Variants in ZNF148 observed in about 807,000 individuals in gnomAD.
ZNF148 encodes the protein Beta-Enolase Repressor Factor-1.
Under a neutral mutation model 67.7 loss-of-function variants are expected in ZNF148, and 7 were observed. That is an observed-to-expected ratio of 0.10 (90% CI 0.06 to 0.19). The LOEUF is 0.19. Ranked by LOEUF, ZNF148 falls within the 10% of genes least tolerant of loss-of-function variation. The pLI is 1.00. For missense variants in ZNF148, 583 were observed against 947.1 expected (o/e 0.62, Z 5.05); for synonymous variants, 333 against 330.7 (o/e 1.01, Z -0.08).
At chr3:125,354,589 T>A (rs929822209) in intron 1 of ZNF148, among the ~76,000 whole-genome samples, 1 of 152,330 alleles carries the variant, frequency 6.6e-6, no homozygotes, top group South Asian at 2.1e-4. Context: ...TATAACAGAT[T>A]TACAATCAGC....
At chr3:125,238,718 G>GTT (rs1200971077) in intron 7 of ZNF148, among the ~76,000 whole-genome samples, 2 of 152,176 alleles carry the variant, frequency 1.3e-5, no homozygotes, top group Non-Finnish European at 2.9e-5. Flanking sequence ...TCCTCGAAAA[G>GTT]TTTAACAGAA....
intron 7 of ZNF148, among the ~76,000 whole-genome samples, chr3:125,273,022 A>C (rs1461455492): frequency 1.3e-5 from 2 of 152,232 alleles, no homozygotes; most frequent in Non-Finnish European, 2.9e-5. Context: ...GTAGGTCTTT[A>C]ACATTTTCTT....
intron 5 of ZNF148, among the ~76,000 whole-genome samples, chr3:125,281,005 C>T (rs934096266): frequency 3.3e-5 from 5 of 152,012 alleles, no homozygotes; most frequent in Admixed American, 1.3e-4. Context: ...AAGGGCAGTA[C>T]GTAAGGGAAA....
chr3:125,311,873 C>A (rs1393977434), intron 4 of ZNF148, among the ~76,000 whole-genome samples: 2 of 152,126 alleles, frequency 1.3e-5, no homozygotes, highest in Non-Finnish European at 2.9e-5. Flanking sequence ...TTGGAAGACA[C>A]AATCTGTCAA....
intron 1 of ZNF148, among the ~76,000 whole-genome samples, chr3:125,346,189 C>T (rs115533152): frequency 1.6e-3 from 248 of 152,312 alleles, no homozygotes; most frequent in African/African-American, 5.5e-3. Context: ...CAATATAATA[C>T]ACCACATCAA....
intron 1 of ZNF148, among the ~76,000 whole-genome samples, chr3:125,353,763 A>C (rs973357664): frequency 6.6e-6 from 1 of 151,716 alleles, no homozygotes; most frequent in Non-Finnish European, 1.5e-5. Context: ...CCCAGAATAA[A>C]GTTTAAAAAA....
intron 5 of ZNF148, among the ~76,000 whole-genome samples, chr3:125,283,032 A>C (rs1236208640): frequency 6.6e-6 from 1 of 152,164 alleles, no homozygotes; most frequent in Non-Finnish European, 1.5e-5. Flanking sequence ...AAGACTAATT[A>C]GATAAGAGAG....
At chr3:125,350,993 T>G (rs1942127264) in intron 1 of ZNF148, among the ~76,000 whole-genome samples, 1 of 152,046 alleles carries the variant, frequency 6.6e-6, no homozygotes, top group Non-Finnish European at 1.5e-5. Context: ...AAGTAGTCAA[T>G]CTCATAGGAG....
chr3:125,248,512 T>C (rs1936701209), intron 7 of ZNF148, among the ~76,000 whole-genome samples: 2 of 152,184 alleles, frequency 1.3e-5, no homozygotes, highest in South Asian at 4.1e-4. Context: ...TTAAAAAAAT[T>C]AACTAGGGTA....
At chr3:125,341,814 G>T (rs1252841187) in intron 1 of ZNF148, among the ~76,000 whole-genome samples, 1 of 151,846 alleles carries the variant, frequency 6.6e-6, no homozygotes, top group African/African-American at 2.4e-5. Context: ...GGGCAACATG[G>T]CGAAACACCA....
chr3:125,323,986 A>G (rs1940907533), intron 2 of ZNF148, among the ~76,000 whole-genome samples: 1 of 151,648 alleles, frequency 6.6e-6, no homozygotes, highest in Non-Finnish European at 1.5e-5. Flanking sequence ...AAAAAGAACA[A>G]TTGCCTAGAT....
chr3:125,285,158 A>G (rs1176482041), intron 5 of ZNF148, among the ~76,000 whole-genome samples: 2 of 152,206 alleles, frequency 1.3e-5, no homozygotes, highest in Non-Finnish European at 2.9e-5. Flanking sequence ...TCACAATGGC[A>G]AGATTTTAAG....
chr3:125,369,277 A>AAAT (rs1942798024), intron 1 of ZNF148, among the ~76,000 whole-genome samples: 1 of 148,188 alleles, frequency 6.7e-6, no homozygotes, highest in African/African-American at 2.5e-5. Context: ...AAAAAAAAAA[A>AAAT]AAAAAAAAAG....
intron 1 of ZNF148, among the ~76,000 whole-genome samples, chr3:125,350,804 C>T (rs184115105): frequency 5.3e-5 from 8 of 152,272 alleles, no homozygotes; most frequent in East Asian, 1.9e-4. Context: ...AACAGGCCTC[C>T]GACTGGCAGC....
In ZNF148 at chr3:125,230,223, A is replaced by C. The variant is rs943796809; in HGVS notation, c.*2118T>G. 1.3e-5 allele frequency: 2 copies of C among 152,576 alleles called. No homozygotes were observed. The highest frequency in any genetic ancestry group is 4.8e-5 in the African/African-American group (2 of 41,434). 9.5% of individuals were successfully genotyped at this position (152,576 alleles called of 1,614,324 possible). ...GAACAAAATTTTTGATCAGGCTCCA[A>C]AACAACTCAAGAAATAAATGCCTAC... On this transcript the variant is annotated 3_prime_UTR_variant, in exon 9 of 9. Coordinates refer to ENST00000360647, the MANE Select transcript of ZNF148 (RefSeq NM_021964.3).
chr3:125,267,721 T>C (rs148493373), intron 7 of ZNF148, among the ~76,000 whole-genome samples: 2,907 of 152,292 alleles, frequency 0.019, 39 homozygotes, highest in Non-Finnish European at 0.029. Flanking sequence ...CTGGAAGTCC[T>C]AGCCAGAGTA....
chr3:125,239,797 T>C (rs1936264023), intron 7 of ZNF148, among the ~76,000 whole-genome samples: 1 of 152,114 alleles, frequency 6.6e-6, no homozygotes, highest in East Asian at 1.9e-4. Context: ...ATGTGACATA[T>C]CCAACTATAA....
At chr3:125,355,359 G>A (rs1384447109) in intron 1 of ZNF148, among the ~76,000 whole-genome samples, 1 of 152,112 alleles carries the variant, frequency 6.6e-6, no homozygotes, top group African/African-American at 2.4e-5. Flanking sequence ...TTGTCATGGG[G>A]ACTGTCATAT....
At chr3:125,304,513 G>A (rs1291021370) in intron 4 of ZNF148, among the ~76,000 whole-genome samples, 1 of 152,114 alleles carries the variant, frequency 6.6e-6, no homozygotes, top group East Asian at 1.9e-4. Context: ...CTCCTGTGAG[G>A]CTTACAAGCC....
Sources: gnomAD v4.1 joint callset for allele counts (sites outside exome capture counted in the v4.1 genomes callset) on GRCh38, gnomAD v4.1.1 for gene constraint, MANE v1.5 for transcripts, NCBI Gene and HGNC (gene_info 2026-07-23, HGNC 2026-07-21) for gene names.